Variants in LRP6 observed in about 807,000 individuals in gnomAD.
LRP6 encodes the protein low-density lipoprotein receptor-related protein 6.
LRP6 carries 43 observed loss-of-function variants against 184.1 expected under a neutral mutation model. The ratio of observed to expected loss-of-function variants is 0.23; its 90% CI spans 0.18 to 0.30. LRP6 has a LOEUF of 0.30. Among genes scored for constraint, LRP6 ranks in the 10% least tolerant of loss-of-function variants. The pLI is 1.00. For synonymous variants in LRP6, 719 were observed against 684.9 expected, an observed-to-expected ratio of 1.05 and a Z score of -0.78; for missense variants, 1,571 against 2,005.3, an observed-to-expected ratio of 0.78 and a Z score of 4.14.
intron 1 of LRP6, among the ~76,000 whole-genome samples, chr12:12,259,392 T>C (rs1410798700): frequency 6.6e-6 from 1 of 152,192 alleles, no homozygotes; most frequent in African/African-American, 2.4e-5. Flanking sequence ...TATAATTTCA[T>C]TTTGCATCCC....
chr12:12,160,541 GAAC>G (rs1862714494), intron 10 of LRP6, among the ~76,000 whole-genome samples: 1 of 152,134 alleles, frequency 6.6e-6, no homozygotes, highest in Admixed American at 6.5e-5. Context: ...TATATGGTAA[GAAC>G]AACGACTCAC....
In LRP6 at chr12:12,120,431, G is replaced by C. The variant is rs1949589322; in HGVS notation, c.*695C>G. 6.6e-6 allele frequency: 1 copy of C among 152,104 alleles called. No individual in the cohort carries two copies. The highest frequency in any genetic ancestry group is 2.1e-4 in the South Asian group (1 of 4,820). 9.4% of individuals were successfully genotyped at this position (152,104 alleles called of 1,614,324 possible). ...AGAGAAAAAAATTCATTTTGACAGA[G>C]GTATGGATTCTAAAGGTAGGGACAG... On this transcript the variant is annotated 3_prime_UTR_variant, in exon 23 of 23. Coordinates refer to ENST00000261349, the MANE Select transcript of LRP6 (RefSeq NM_002336.3).
chr12:12,179,745 C>G (rs1863294571), intron 7 of LRP6, 65 bp downstream of exon 7: 1 of 1,539,964 alleles, frequency 6.5e-7, no homozygotes, highest in Admixed American at 1.7e-5. Flanking sequence ...GTACTCAAAT[C>G]ATTATACTGT....
intron 2 of LRP6, among the ~76,000 whole-genome samples, chr12:12,230,438 GA>G (rs1864753932): frequency 2.0e-5 from 3 of 151,968 alleles, no homozygotes; most frequent in African/African-American, 7.2e-5. Flanking sequence ...CTAAAGGGAT[GA>G]AATTTCACCC....
At chr12:12,160,005 A>G (rs773263096) in intron 10 of LRP6, 41 bp from the exon 11 acceptor site, 1 of 1,419,818 alleles carries the variant, frequency 7.0e-7, no homozygotes, top group Non-Finnish European at 9.7e-7. Flanking sequence ...TCAATTTTTT[A>G]TTATCTGGGG....
rs1208171427 is a variant in LRP6, at chr12:12,180,003, G to T, written c.1374-22C>A. ...GTACCTAGAGAAGTATACAAAAAAT[G>T]AGCTAAAAATAGATAATAAAATGTA... On this transcript the variant is annotated intron_variant, in intron 6 of 22. Transcript: ENST00000261349. 2.5e-6 allele frequency: 4 copies of T among 1,601,296 alleles called. No homozygotes were observed. The African/African-American group carries it at 4.0e-5, about 16-fold the overall frequency.
chr12:12,226,300 G>C (rs1262275472), intron 2 of LRP6, among the ~76,000 whole-genome samples: 2 of 151,966 alleles, frequency 1.3e-5, no homozygotes, highest in Non-Finnish European at 2.9e-5. Flanking sequence ...AAAATTACAA[G>C]GCATACTAAA....
In LRP6 at chr12:12,179,864, C is replaced by A. The variant is rs756385924; in HGVS notation, c.1491G>T (p.Leu497Phe). The A allele has an allele frequency of 5.0e-6, 8 of 1,613,724 alleles. No individual in the cohort carries two copies. Among genetic ancestry groups the A allele is most frequent in the African/African-American group, 1.3e-5 (1 of 74,874 alleles). The change falls in exon 7 of 23, where the codon TTG becomes TTT. Residue 497 changes from leucine to phenylalanine, a missense_variant. By Grantham distance (22) the Leu-to-Phe change is conservative. Transcript: ENST00000261349. ...TSLGWPNGLA[L>F]DYDEGKIYWG... is the part of the protein sequence containing the mutation. ...AGTATATTTTGCCTTCATCATAATC[C>A]AAGGCTAAACCATTTGGCCAACCAA...
At chr12:12,257,576 C>CT (rs1037499038) in intron 1 of LRP6, among the ~76,000 whole-genome samples, 8 of 138,044 alleles carry the variant, frequency 5.8e-5, no homozygotes, top group Admixed American at 2.2e-4. Flanking sequence ...GCAAGACTCC[C>CT]TCTCAAGGAA....
intron 4 of LRP6, among the ~76,000 whole-genome samples, chr12:12,184,487 G>C (rs376811722): frequency 6.6e-5 from 10 of 152,184 alleles, no homozygotes; most frequent in South Asian, 6.2e-4. Flanking sequence ...AACCGCTGAG[G>C]TTTAAAGAAT....
intron 2 of LRP6, among the ~76,000 whole-genome samples, chr12:12,230,740 C>A (rs1349295526): frequency 6.6e-6 from 1 of 152,136 alleles, no homozygotes; most frequent in Non-Finnish European, 1.5e-5. Context: ...GAAAATACTT[C>A]TTTTACAAAA....
intron 2 of LRP6, among the ~76,000 whole-genome samples, chr12:12,220,811 G>T (rs1029536022): frequency 6.6e-5 from 10 of 152,002 alleles, no homozygotes; most frequent in Non-Finnish European, 1.3e-4. Flanking sequence ...CATTGCCCAG[G>T]CTGGTCTCAA....
intron 2 of LRP6, among the ~76,000 whole-genome samples, chr12:12,241,251 C>T (rs984869727): frequency 1.3e-5 from 2 of 152,116 alleles, no homozygotes; most frequent in Non-Finnish European, 2.9e-5. Context: ...CATTTTTCCT[C>T]AGCACTGTTT....
intron 2 of LRP6, among the ~76,000 whole-genome samples, chr12:12,219,192 T>C (rs1485129604): frequency 6.6e-6 from 1 of 152,144 alleles, no homozygotes; most frequent in Non-Finnish European, 1.5e-5. Context: ...CTTAACTGTC[T>C]ACCCCTTTTT....
intron 3 of LRP6, among the ~76,000 whole-genome samples, chr12:12,201,508 T>C (rs1863913146): frequency 6.6e-6 from 1 of 152,162 alleles, no homozygotes; most frequent in African/African-American, 2.4e-5. Context: ...CTTTCAAGTC[T>C]TATGAGACAC....
chr12:12,197,589 T>G (rs1863797919), intron 3 of LRP6, among the ~76,000 whole-genome samples: 1 of 152,240 alleles, frequency 6.6e-6, no homozygotes, highest in African/African-American at 2.4e-5. Flanking sequence ...TCAGTTTGAC[T>G]TAACCTCTGC....
chr12:12,264,935 A>T (rs888650901), intron 1 of LRP6, among the ~76,000 whole-genome samples: 1 of 152,230 alleles, frequency 6.6e-6, no homozygotes, highest in African/African-American at 2.4e-5. Context: ...AGTGCAACCT[A>T]TCTAAATTCC....
chr12:12,162,044 C>CAATT lies in LRP6; in HGVS notation c.2279+148_2279+149insAATT, dbSNP rs36008194. 0.15 allele frequency: 97,961 copies of CAATT among 666,226 alleles called. 8,169 individuals carry two copies. The highest frequency in any genetic ancestry group is 0.22 in the Middle Eastern group (887 of 4,008). 41.3% of individuals were successfully genotyped at this position (666,226 alleles called of 1,614,324 possible). A position where few individuals can be genotyped will look rare whatever the true frequency, so the allele number is the denominator to read the frequency against. Reference sequence around the variant, plus strand: ...TTATTCATTCAAATCAGCAAAATATCAATAGTGTTTTTAAAAGTTCATCTA... The same window carrying CAATT: ...TTATTCATTCAAATCAGCAAAATATCAATTAATAGTGTTTTTAAAAGTTCATCTA... On this transcript the variant is annotated intron_variant, in intron 10 of 22. Transcript: ENST00000261349.
At chr12:12,238,752 G>T (rs1031604623) in intron 2 of LRP6, among the ~76,000 whole-genome samples, 2 of 152,080 alleles carry the variant, frequency 1.3e-5, no homozygotes, top group African/African-American at 4.8e-5. Context: ...AAGAAACACT[G>T]AAGGGCATAC....
Sources: gnomAD v4.1 joint callset for allele counts (sites outside exome capture counted in the v4.1 genomes callset) on GRCh38, gnomAD v4.1.1 for gene constraint, MANE v1.5 for transcripts, NCBI Gene and HGNC (gene_info 2026-07-23, HGNC 2026-07-21) for gene names.